The following MMP26 variants were observed in gnomAD, a reference collection of about 807,000 sequenced individuals.
MMP26 encodes the protein matrix metallopeptidase 26.
Under a neutral mutation model 31.0 loss-of-function variants are expected in MMP26, and 33 were observed. The observed-to-expected ratio is 1.06, with a 90% CI of 0.81 to 1.42. The LOEUF (loss-of-function observed/expected upper bound fraction) is 1.42. Ranked by LOEUF, MMP26 falls within the 40% of genes most tolerant of loss-of-function variation. The pLI, the probability that MMP26 is intolerant of heterozygous loss-of-function variation, is 0.00. For synonymous variants in MMP26, 122 were observed against 114.9 expected (o/e 1.06, Z -0.40); for missense variants, 347 against 316.1 (o/e 1.10, Z -0.74).
At chr11:4,847,926 T>G (rs1336014158) in intron 2 of MMP26, 1 of 283,970 alleles carries the variant, frequency 3.5e-6, no homozygotes, top group Non-Finnish European at 6.5e-6. Context: ...TATTAAGGTA[T>G]AGATATAGTG....
rs117483183 is a variant in MMP26, at chr11:4,791,264, C to T, written c.-145+23923C>T. Among the ~76,000 whole-genome samples, 1,501 of 152,308 alleles carry T rather than the reference C, an allele frequency of 9.9e-3. 23 individuals are homozygous for T. The highest frequency in any genetic ancestry group is 0.016 in the Non-Finnish European group (1,116 of 68,030). On this transcript the variant is annotated intron_variant, in intron 2 of 7. Transcript: ENST00000380390. ...ATGAACAGAAGTGGGACATAATATTCCAGGCTAGGCAGCTGGGCTCATTCT... is the reference window on the plus strand; with the variant it reads ...ATGAACAGAAGTGGGACATAATATTTCAGGCTAGGCAGCTGGGCTCATTCT...
At chr11:4,871,904 C>T (rs1212400687) in intron 2 of MMP26, 1 of 152,078 alleles carries the variant, frequency 6.6e-6, no homozygotes, top group Non-Finnish European at 1.5e-5. Context: ...ACCCTTTTAC[C>T]TGTAATTTGA....
intron 2 of MMP26, among the ~76,000 whole-genome samples, chr11:4,979,496 G>A (rs534420760): frequency 1.3e-5 from 2 of 152,100 alleles, no homozygotes; most frequent in Non-Finnish European, 2.9e-5. Flanking sequence ...TGAGACTGAT[G>A]TATTTGGTAG....
chr11:4,895,232 A>G (rs1264650776), intron 2 of MMP26, among the ~76,000 whole-genome samples: 1 of 150,400 alleles, frequency 6.6e-6, no homozygotes, highest in Non-Finnish European at 1.5e-5. Context: ...TTCTTTATAT[A>G]CATCATTACA....
chr11:4,746,227 G>A (rs11033680), intron 1 of MMP26, among the ~76,000 whole-genome samples: 12,252 of 152,072 alleles, frequency 0.081, 651 homozygotes, highest in Middle Eastern at 0.23. Flanking sequence ...TATCATTTTA[G>A]TGTTCTTTCT....
At chr11:4,821,730 G>A in intron 2 of MMP26, 2 of 1,613,960 alleles carry the variant, frequency 1.2e-6, no homozygotes, top group Non-Finnish European at 1.7e-6. Flanking sequence ...TTGCCCAGAT[G>A]TTCTTTCTAC....
intron 2 of MMP26, among the ~76,000 whole-genome samples, chr11:4,852,623 A>C (rs1849991234): frequency 6.6e-6 from 1 of 152,198 alleles, no homozygotes; most frequent in Admixed American, 6.5e-5. Context: ...TGGTAGGAGT[A>C]TAAATTTGTA....
At chr11:4,938,455 GAAAAAAA>G (rs575523956) in intron 2 of MMP26, among the ~76,000 whole-genome samples, 1 of 134,720 alleles carries the variant, frequency 7.4e-6, no homozygotes, top group Non-Finnish European at 1.6e-5. Flanking sequence ...AGTTCAGACT[GAAAAAAA>G]AAAAAAGAAA....
chr11:4,798,791 C>T (rs926500421), intron 2 of MMP26, among the ~76,000 whole-genome samples: 1 of 152,128 alleles, frequency 6.6e-6, no homozygotes, highest in Non-Finnish European at 1.5e-5. Flanking sequence ...ACTGGAGAAA[C>T]AGTTATTGGT....
intron 2 of MMP26, chr11:4,848,734 G>A (rs200652284): frequency 1.1e-5 from 17 of 1,613,954 alleles, no homozygotes; most frequent in African/African-American, 6.7e-5. Flanking sequence ...CCCAGGCATC[G>A]AAAAGAAATG....
intron 2 of MMP26, among the ~76,000 whole-genome samples, chr11:4,784,587 A>G (rs970504099): frequency 3.3e-5 from 5 of 152,206 alleles, no homozygotes; most frequent in African/African-American, 1.2e-4. Context: ...ATGTAGCCAC[A>G]TGCCAAGAAA....
rs1353664334 is a variant in MMP26 at position 4,930,870 on chromosome 11, T to A, written c.-144-57198T>A. 2.0e-5 allele frequency among the ~76,000 whole-genome samples: 3 copies of A among 152,084 alleles called. No individual in the cohort carries two copies. The East Asian group carries it at 5.8e-4, about 29-fold the overall frequency. On this transcript the variant is annotated intron_variant, in intron 2 of 7. Transcript: ENST00000380390. ...ACTATATAAATAATATTTACATACA[T>A]ACTTTTATTTCTTTTTGCAGCGTTG...
chr11:4,787,849 A>G (rs982421870), intron 2 of MMP26: 1 of 152,186 alleles, frequency 6.6e-6, no homozygotes, highest in Non-Finnish European at 1.5e-5. Flanking sequence ...CAAGTTCTGC[A>G]TTTGTCTCCT....
intron 2 of MMP26, chr11:4,786,664 C>A (rs762840032): frequency 6.6e-5 from 10 of 152,116 alleles, no homozygotes; most frequent in Non-Finnish European, 1.3e-4. Context: ...ACATTCCCAA[C>A]AATCTCTCAG....
chr11:4,757,986 A>G (rs1276445347), intron 1 of MMP26, among the ~76,000 whole-genome samples: 1 of 152,194 alleles, frequency 6.6e-6, no homozygotes, highest in South Asian at 2.1e-4. Flanking sequence ...CATATGATCC[A>G]GAAATTCTAC....
At chr11:4,856,489 T>C (rs1850055519) in intron 2 of MMP26, among the ~76,000 whole-genome samples, 1 of 152,106 alleles carries the variant, frequency 6.6e-6, no homozygotes, top group Non-Finnish European at 1.5e-5. Context: ...CATTACATAA[T>C]GGTAAAGGGA....
chr11:4,863,415 A>G (rs1385297626), intron 2 of MMP26, among the ~76,000 whole-genome samples: 5 of 151,870 alleles, frequency 3.3e-5, no homozygotes, highest in Admixed American at 6.6e-5. Flanking sequence ...TTTACTCCTA[A>G]TAACAAAACC....
chr11:4,768,441 TC>T (rs1338004070), intron 2 of MMP26, among the ~76,000 whole-genome samples: 1 of 152,178 alleles, frequency 6.6e-6, no homozygotes, highest in Non-Finnish European at 1.5e-5. Context: ...ACCATGGAGA[TC>T]CAGGTCTTAC....
chr11:4,922,391 T>C (rs897157191), intron 2 of MMP26, among the ~76,000 whole-genome samples: 1 of 152,174 alleles, frequency 6.6e-6, no homozygotes, highest in Non-Finnish European at 1.5e-5. Flanking sequence ...TACATGAATA[T>C]ATAAAGAGTT....
Sources: allele counts gnomAD v4.1 joint callset (sites outside exome capture counted in the v4.1 genomes callset), GRCh38; gene constraint gnomAD v4.1.1; transcripts MANE v1.5; gene names NCBI Gene and HGNC (gene_info 2026-07-23, HGNC 2026-07-21).